ACTN3: variants seen among roughly 807,000 people sequenced by gnomAD.
The protein encoded by ACTN3 is alpha-actinin-3.
Under a neutral mutation model 119.6 loss-of-function variants are expected in ACTN3, and 91 were observed. The observed-to-expected ratio is 0.76, with a 90% CI of 0.64 to 0.91. The LOEUF (loss-of-function observed/expected upper bound fraction) is 0.91. Ranked by LOEUF, ACTN3 falls within the 40% of genes least tolerant of loss-of-function variation. The pLI is 0.00. For missense variants in ACTN3, 1,221 were observed against 1,215.1 expected (o/e 1.00, Z -0.07); for synonymous variants, 456 against 478.8 (o/e 0.95, Z 0.62).
intron 1 of ACTN3, among the ~76,000 whole-genome samples, 183 bp downstream of exon 1, chr11:66,547,267 C>T (rs1006474638): frequency 1.8e-4 from 27 of 152,140 alleles, no homozygotes; most frequent in African/African-American, 6.3e-4. Flanking sequence ...TGGGAGCCCT[C>T]AAGAGGGGTT....
chr11:66,556,814 G>A (rs1436908619), intron 8 of ACTN3, among the ~76,000 whole-genome samples: 1 of 152,136 alleles, frequency 6.6e-6, no homozygotes, highest in African/African-American at 2.4e-5. Context: ...AGGCTGGAGT[G>A]CAGTGGGGCG....
chr11:66,553,952 C>T, intron 3 of ACTN3, 93 bp from the exon 4 acceptor site: 3 of 1,022,930 alleles, frequency 2.9e-6, no homozygotes, highest in Admixed American at 2.0e-5. Flanking sequence ...GAGACAAGGG[C>T]CAGAGGGCTG....
At chr11:66,555,256 C>A (rs1479435230) in intron 6 of ACTN3, 30 bp from the exon 7 acceptor site, 1 of 1,613,926 alleles carries the variant, frequency 6.2e-7, no homozygotes, top group Non-Finnish European at 8.5e-7. Flanking sequence ...TGCAGCTGAC[C>A]TTTCACCCTC....
intron 7 of ACTN3, 113 bp downstream of exon 7, chr11:66,555,480 A>C (rs1383046434): frequency 1.2e-5 from 12 of 1,031,196 alleles, no homozygotes; most frequent in African/African-American, 1.1e-4. Context: ...GACCACCCCC[A>C]CCCCACTCCC....
intron 18 of ACTN3, 29 bp from the exon 19 acceptor site, chr11:66,562,228 C>G: frequency 1.2e-6 from 2 of 1,613,822 alleles, no homozygotes; most frequent in Non-Finnish European, 1.7e-6. Flanking sequence ...GGCTGGAGAC[C>G]AAGCCTGATA....
At position 66,556,015 on chromosome 11, in the gene ACTN3, C is replaced by CT. The variant is rs1367576141; in HGVS notation, c.719-130_719-129insT. 4 of 755,804 alleles carry CT rather than the reference C, an allele frequency of 5.3e-6. No homozygotes were observed. In the African/African-American group the frequency reaches 7.1e-5, roughly 13 times the overall value. 46.8% of individuals were successfully genotyped at this position (755,804 alleles called of 1,614,324 possible). ...AGAGAGGGCTTCAAGGAAGAGAAGA[C>CT]ACTGGGCTTGGGTGGCTGGCTGCTG... is the stretch of plus-strand genomic sequence containing the variant. On this transcript the variant is annotated intron_variant, in intron 7 of 20. Transcript: ENST00000513398.
intron 7 of ACTN3, 114 bp from the exon 8 acceptor site, chr11:66,556,031 C>A: frequency 1.1e-6 from 1 of 915,032 alleles, no homozygotes; most frequent in Non-Finnish European, 1.7e-6. Context: ...GCTTGGGTGG[C>A]TGGCTGCTGG....
chr11:66,561,706 T>C, intron 17 of ACTN3, 69 bp downstream of exon 17: 4 of 1,515,054 alleles, frequency 2.6e-6, no homozygotes, highest in Non-Finnish European at 3.6e-6. Context: ...AGATCACAGC[T>C]GGACAGAGCA....
At position 66,562,258 on chromosome 11, in the gene ACTN3, A is replaced by G; in HGVS notation, c.2324A>G (p.Lys775Arg). ...FRASFNHFDR[K>R]QNGMMEPDDF... is the part of the protein sequence containing the mutation. ...CTGATAACCACTCACCCCCTACAGA[A>G]GCAGAATGGGATGATGGAGCCTGAT... Residue 775 changes from lysine (K) to arginine (R), a missense_variant and splice_region_variant, in exon 19 of 21, where the codon AAG becomes AGG. Coordinates refer to ENST00000513398, the MANE Select transcript of ACTN3 (RefSeq NM_001104.4). 6.2e-7 allele frequency: 1 copy of G among 1,613,840 alleles called. No individual in the cohort carries two copies. Among genetic ancestry groups the G allele is most frequent in the Non-Finnish European group, 8.5e-7 (1 of 1,179,838 alleles).
chr11:66,547,034 T>C lies in ACTN3; in HGVS notation c.97T>C (p.Trp33Arg). Reference protein sequence around the residue: ...GGEYMEQEEDWDRDLLLDPAW... With the variant: ...GGEYMEQEEDRDRDLLLDPAW... ...CGAGTACATGGAACAGGAGGAGGAC[T>C]GGGACCGCGACCTGCTGCTGGACCC... Residue 33 changes from tryptophan (W) to arginine (R), a missense_variant, in exon 1 of 21, where the codon TGG (tryptophan) becomes CGG (arginine). Around this residue, in one of 3 missense-constraint regions of ACTN3, gnomAD observed 239 missense variants for 231.8 expected, o/e 1.03. Transcript: ENST00000513398. 1 of 1,514,480 alleles carries C rather than the reference T, an allele frequency of 6.6e-7. No individual in the cohort carries two copies. Among genetic ancestry groups the C allele is most frequent in the Non-Finnish European group, 8.8e-7 (1 of 1,133,526 alleles). The allele number at this position is 1,514,480 out of a possible 1,614,324, so 93.8% of individuals were successfully genotyped here.
chr11:66,549,469 T>C (rs575555028), intron 1 of ACTN3, among the ~76,000 whole-genome samples: 1 of 152,258 alleles, frequency 6.6e-6, no homozygotes, highest in East Asian at 1.9e-4. Context: ...TGGTGGCTCA[T>C]GCCTGTAATC....
Position 66,560,898 on chromosome 11 carries a change from C to T in ACTN3, c.1860+143C>T, listed in dbSNP as rs181556947. 1.5e-5 allele frequency: 14 copies of T among 928,032 alleles called. No homozygotes were observed. The East Asian group carries it at 2.3e-4, about 15-fold the overall frequency. 57.5% of individuals were successfully genotyped at this position (928,032 alleles called of 1,614,324 possible). A position where few individuals can be genotyped will look rare whatever the true frequency, so the allele number is the denominator to read the frequency against. On this transcript the variant is annotated intron_variant, in intron 15 of 20. Coordinates refer to ENST00000513398, the MANE Select transcript of ACTN3 (RefSeq NM_001104.4). ...AGACTCCACGTGGGATTGGATAAAT[C>T]GCCTTGCCTGTCTCGGGCTCATCTG...
rs756273626 is a variant in ACTN3, at chr11:66,561,393, G to A, written c.1995+32G>A. On this transcript the variant is annotated intron_variant, in intron 16 of 20. Transcript: ENST00000513398. ...GCTGGGATAGTGGGTCCAACCTGGG[G>A]GGATGGGGCCAGGGCTGGGCCACAG... 20 of 1,607,280 alleles carry A rather than the reference G, an allele frequency of 1.2e-5. No homozygotes were observed. The South Asian group carries it at 2.0e-4, about 16-fold the overall frequency.
At chr11:66,551,944 C>T (rs1390717070) in intron 3 of ACTN3, among the ~76,000 whole-genome samples, 2 of 151,952 alleles carry the variant, frequency 1.3e-5, no homozygotes, top group South Asian at 2.1e-4. Flanking sequence ...GGTGTGGTGG[C>T]GCACACCTGT....
intron 5 of ACTN3, 53 bp from the exon 6 acceptor site, chr11:66,555,077 G>C (rs1343820041): frequency 5.7e-6 from 9 of 1,568,298 alleles, no homozygotes; most frequent in Non-Finnish European, 7.9e-6. Context: ...GCCGAGGGGA[G>C]AACGGGGCCC....
chr11:66,561,876 G>A, intron 17 of ACTN3, 146 bp from the exon 18 acceptor site: 1 of 962,418 alleles, frequency 1.0e-6, no homozygotes. Context: ...GTGGGGGTGG[G>A]TTACTCAGTG....
chr11:66,559,516 C>A, intron 12 of ACTN3, 130 bp downstream of exon 12: 1 of 957,320 alleles, frequency 1.0e-6, no homozygotes, highest in Non-Finnish European at 1.5e-6. Flanking sequence ...CGCCGTGGTA[C>A]CCAGGTCCCA....
chr11:66,548,480 C>G (rs943617226), intron 1 of ACTN3, among the ~76,000 whole-genome samples: 1 of 152,202 alleles, frequency 6.6e-6, no homozygotes. Context: ...TTCATCCCAA[C>G]TTGCAGTCAC....
At chr11:66,561,712 G>C (rs1039116212) in intron 17 of ACTN3, 75 bp downstream of exon 17, 1 of 1,486,480 alleles carries the variant, frequency 6.7e-7, no homozygotes. Flanking sequence ...CAGCTGGACA[G>C]AGCATGTGTG....
Sources: allele counts gnomAD v4.1 joint callset (sites outside exome capture counted in the v4.1 genomes callset), GRCh38; gene constraint gnomAD v4.1.1; regional missense constraint gnomAD v4.1.1; transcripts MANE v1.5; gene names NCBI Gene and HGNC (gene_info 2026-07-23, HGNC 2026-07-21).